The following NSFL1C variants were observed in gnomAD, a reference collection of about 807,000 sequenced individuals.
NSFL1C encodes the protein NSFL1 cofactor p47.
A neutral mutation model predicts 43.1 loss-of-function variants in NSFL1C; 14 were observed. The ratio of observed to expected loss-of-function variants is 0.32; its 90% CI spans 0.21 to 0.51. NSFL1C has a LOEUF of 0.51. Among genes scored for constraint, NSFL1C ranks in the 20% least tolerant of loss-of-function variants. The pLI is 0.98. For missense variants in NSFL1C, 406 were observed against 472.5 expected (o/e 0.86, Z 1.30); for synonymous variants, 171 against 183.5 (o/e 0.93, Z 0.55).
chr20:1,466,694 C>A (rs1330636594), intron 1 of NSFL1C, 26 bp downstream of exon 1: 3 of 1,531,874 alleles, frequency 2.0e-6, no homozygotes, highest in Middle Eastern at 1.7e-4. Flanking sequence ...CCGGCCCACC[C>A]GACACAGCCC....
intron 2 of NSFL1C, among the ~76,000 whole-genome samples, 197 bp from the exon 3 acceptor site, chr20:1,458,471 T>G (rs1006382933): frequency 2.0e-5 from 3 of 152,128 alleles, no homozygotes; most frequent in African/African-American, 7.2e-5. Context: ...TCACACAGAT[T>G]GAGTATAAAT....
intron 3 of NSFL1C, chr20:1,456,933 A>G (rs2090313762): frequency 6.6e-6 from 1 of 152,226 alleles, no homozygotes; most frequent in African/African-American, 2.4e-5. Flanking sequence ...GACATGGGGA[A>G]ACGTCTGAGA....
At chr20:1,445,899 T>G in intron 7 of NSFL1C, 69 bp from the exon 8 acceptor site, 1 of 1,522,136 alleles carries the variant, frequency 6.6e-7, no homozygotes, top group East Asian at 2.3e-5. Flanking sequence ...AATCCCTTCT[T>G]GGACTGTTAC....
Position 1,443,628 on chromosome 20 carries a change from TGGA to T in NSFL1C, c.*118_*120del. On this transcript the variant is annotated 3_prime_UTR_variant, in exon 9 of 9. Coordinates refer to ENST00000216879, the MANE Select transcript of NSFL1C (RefSeq NM_016143.5). ...ACCAAGATCTAAGAACCCAGAGCTA[TGGA>T]GGAGACGTTGCACTGGACTGCTGGG... 2 of 921,736 alleles carry T rather than the reference TGGA, an allele frequency of 2.2e-6. No individual in the cohort carries two copies. Among genetic ancestry groups the T allele is most frequent in the Middle Eastern group, 2.5e-4 (1 of 3,944 alleles). The allele number at this position is 921,736 out of a possible 1,614,324, so 57.1% of individuals were successfully genotyped here.
In NSFL1C at chr20:1,466,817, G is replaced by T. The variant is rs1465661037; in HGVS notation, c.8C>A (p.Ala3Glu). The T allele has an allele frequency of 6.5e-6, 10 of 1,541,712 alleles. No homozygotes were observed. In the East Asian group the frequency reaches 2.3e-4, roughly 35 times the overall value. Reference protein sequence around the residue: MAAERQEALREFV... With the variant: MAEERQEALREFV... ...CTCCCTCAGCGCCTCCTGTCGCTCC[G>T]CCGCCATCTTCGCCCCGTGCGCCTT... The change falls in exon 1 of 9, where the codon GCG becomes GAG. Residue 3 changes from alanine to glutamate, a missense_variant. Ala to Glu is a moderately radical substitution (Grantham distance 107). This residue lies in a region of NSFL1C where 203 missense variants were observed against 216.3 expected (regional missense o/e 0.94). Transcript: ENST00000216879.
At chr20:1,457,981 T>C in intron 3 of NSFL1C, 1 of 432,592 alleles carries the variant, frequency 2.3e-6, no homozygotes, top group Non-Finnish European at 4.2e-6. Flanking sequence ...TTCCCTCCCC[T>C]AATATTCCTC....
At chr20:1,446,850 T>C (rs533199529) in intron 7 of NSFL1C, among the ~76,000 whole-genome samples, 2 of 150,894 alleles carry the variant, frequency 1.3e-5, no homozygotes, top group East Asian at 3.9e-4. Context: ...TCTAATTAGA[T>C]CAGTTCTTGT....
intron 2 of NSFL1C, among the ~76,000 whole-genome samples, chr20:1,462,151 C>T (rs2090424116): frequency 6.6e-6 from 1 of 152,090 alleles, no homozygotes; most frequent in Non-Finnish European, 1.5e-5. Flanking sequence ...GCAGTGACAA[C>T]ATAAAAGGGT....
chr20:1,466,830 C>A lies in NSFL1C; in HGVS notation c.-6G>T. 6.5e-7 allele frequency: 1 copy of A among 1,529,862 alleles called. No individual in the cohort carries two copies. 94.8% of individuals were successfully genotyped at this position (1,529,862 alleles called of 1,614,324 possible). On this transcript the variant is annotated 5_prime_UTR_variant, in exon 1 of 9. Transcript: ENST00000216879. ...TCCTGTCGCTCCGCCGCCATCTTCG[C>A]CCCGTGCGCCTTCCAAAGCGCTCCG...
intron 7 of NSFL1C, among the ~76,000 whole-genome samples, chr20:1,451,658 CCCATGG>C (rs1340014464): frequency 2.6e-5 from 4 of 152,188 alleles, no homozygotes; most frequent in Non-Finnish European, 5.9e-5. Flanking sequence ...ATCAGGTGAC[CCCATGG>C]CCATGGCCAA....
rs537485421 is a variant in NSFL1C at position 1,442,201 on chromosome 20, A to T, written c.*1548T>A. The T allele has an allele frequency of 6.6e-6, 1 of 152,378 alleles. No individual in the cohort carries two copies. Among genetic ancestry groups the T allele is most frequent in the South Asian group, 2.1e-4 (1 of 4,832 alleles). 9.4% of individuals were successfully genotyped at this position (152,378 alleles called of 1,614,324 possible). The stretch of plus-strand genomic sequence containing the variant: ...TCTGGTTTTTAATGGTCAAGGTGAC[A>T]ACAGTGTACAGTTTTTCCAGACCCA... On this transcript the variant is annotated 3_prime_UTR_variant, in exon 9 of 9. Transcript: ENST00000216879.
chr20:1,446,877 T>C (rs2090070272), intron 7 of NSFL1C, among the ~76,000 whole-genome samples: 1 of 151,548 alleles, frequency 6.6e-6, no homozygotes, highest in Non-Finnish European at 1.5e-5. Context: ...CTCTTCCCCC[T>C]TCACAGCCCC....
At chr20:1,465,034 T>C (rs2090482192) in intron 1 of NSFL1C, among the ~76,000 whole-genome samples, 2 of 152,198 alleles carry the variant, frequency 1.3e-5, no homozygotes, top group South Asian at 4.1e-4. Context: ...TGGGGGTACC[T>C]GTCTCACCAA....
chr20:1,461,388 G>A lies in NSFL1C; in HGVS notation c.203+2941C>T, dbSNP rs949204623. Among the ~76,000 whole-genome samples, 18 of 152,172 alleles carry A rather than the reference G, an allele frequency of 1.2e-4. 1 individual carries two copies. The highest frequency in any genetic ancestry group is 1.1e-3 in the Admixed American group (17 of 15,276). On this transcript the variant is annotated intron_variant, in intron 2 of 8. Transcript: ENST00000216879. ...ATAACACGCTCAGCAGAGTGGGGATGGAGGTAAACATGGAAGGATGCATGG... is the reference window on the plus strand; with the variant it reads ...ATAACACGCTCAGCAGAGTGGGGATAGAGGTAAACATGGAAGGATGCATGG...
At chr20:1,460,583 C>A (rs539576340) in intron 2 of NSFL1C, among the ~76,000 whole-genome samples, 1 of 152,330 alleles carries the variant, frequency 6.6e-6, no homozygotes, top group East Asian at 1.9e-4. Context: ...CTCTGGCATA[C>A]TGAAGTGGCA....
At chr20:1,465,664 C>T (rs1296472055) in intron 1 of NSFL1C, among the ~76,000 whole-genome samples, 1 of 152,156 alleles carries the variant, frequency 6.6e-6, no homozygotes, top group African/African-American at 2.4e-5. Context: ...AATTCTTTGC[C>T]CTCTGTGCTT....
At chr20:1,447,308 T>C (rs1781664951) in intron 7 of NSFL1C, among the ~76,000 whole-genome samples, 1 of 152,172 alleles carries the variant, frequency 6.6e-6, no homozygotes, top group Admixed American at 6.5e-5. Flanking sequence ...TACCTGTAAA[T>C]GCCTAAGCTC....
At chr20:1,450,481 T>C (rs1410195880) in intron 7 of NSFL1C, among the ~76,000 whole-genome samples, 1 of 152,238 alleles carries the variant, frequency 6.6e-6, no homozygotes, top group African/African-American at 2.4e-5. Flanking sequence ...TTAATATTTA[T>C]TCCTATCATG....
At chr20:1,451,300 C>T (rs1238489524) in intron 7 of NSFL1C, among the ~76,000 whole-genome samples, 1 of 152,242 alleles carries the variant, frequency 6.6e-6, no homozygotes, top group African/African-American at 2.4e-5. Context: ...GGTCAACAGG[C>T]AGGTAAGGGA....
Sources: gnomAD v4.1 joint callset for allele counts (sites outside exome capture counted in the v4.1 genomes callset) on GRCh38, gnomAD v4.1.1 for gene constraint, gnomAD v4.1.1 regional missense constraint, MANE v1.5 for transcripts, NCBI Gene and HGNC (gene_info 2026-07-23, HGNC 2026-07-21) for gene names.